The following IQSEC1 variants were observed in gnomAD, a reference collection of about 807,000 sequenced individuals.
The protein encoded by IQSEC1 is IQ motif and Sec7 domain ArfGEF 1.
IQSEC1 carries 31 observed loss-of-function variants against 91.0 expected under a neutral mutation model. The ratio of observed to expected loss-of-function variants is 0.34; its 90% CI spans 0.26 to 0.46. The LOEUF is 0.46. Among genes scored for constraint, IQSEC1 ranks in the 20% least tolerant of loss-of-function variants. The pLI is 1.00. For synonymous variants in IQSEC1, 699 were observed against 662.6 expected (o/e 1.05, Z -0.84); for missense variants, 1,388 against 1,575.6 (o/e 0.88, Z 2.02).
At chr3:13,277,012 G>A (rs1195523914) in intron 1 of IQSEC1, among the ~76,000 whole-genome samples, 3 of 140,080 alleles carry the variant, frequency 2.1e-5, no homozygotes, top group Admixed American at 7.8e-5. Flanking sequence ...GGCCTGTGTT[G>A]TTTTTTCTGC....
chr3:13,029,639 G>C (rs979439998), intron 1 of IQSEC1, among the ~76,000 whole-genome samples: 1 of 152,208 alleles, frequency 6.6e-6, no homozygotes, highest in Non-Finnish European at 1.5e-5. Flanking sequence ...TTGCCGTCCA[G>C]GTCAAGGGGG....
chr3:13,082,727 G>T (rs922866170), intron 2 of IQSEC1, among the ~76,000 whole-genome samples: 4 of 152,206 alleles, frequency 2.6e-5, no homozygotes, highest in Admixed American at 2.6e-4. Flanking sequence ...TCGTAGCTCT[G>T]GTTCCAACCC....
chr3:12,985,277 C>T (rs879612164), intron 1 of IQSEC1, among the ~76,000 whole-genome samples: 2 of 152,204 alleles, frequency 1.3e-5, no homozygotes, highest in Admixed American at 6.5e-5. Context: ...GCCATACACG[C>T]TGGGCTCCCA....
intron 1 of IQSEC1, among the ~76,000 whole-genome samples, chr3:12,954,065 G>T (rs1278552851): frequency 6.6e-6 from 1 of 152,226 alleles, no homozygotes; most frequent in Non-Finnish European, 1.5e-5. Flanking sequence ...TGAACCCAGG[G>T]CCACACAGCC....
intron 1 of IQSEC1, among the ~76,000 whole-genome samples, chr3:13,256,438 G>C (rs1029329069): frequency 1.3e-5 from 2 of 152,074 alleles, no homozygotes; most frequent in African/African-American, 4.8e-5. Flanking sequence ...TCACAAAGTT[G>C]CCTGTTCAGC....
At chr3:13,140,026 G>A (rs979505340) in intron 2 of IQSEC1, among the ~76,000 whole-genome samples, 1 of 152,268 alleles carries the variant, frequency 6.6e-6, no homozygotes, top group Non-Finnish European at 1.5e-5. Context: ...CTGCTCCTGA[G>A]CTCCAACTCT....
intron 1 of IQSEC1, among the ~76,000 whole-genome samples, chr3:13,231,333 G>A (rs1694835921): frequency 2.0e-5 from 3 of 152,186 alleles, no homozygotes; most frequent in African/African-American, 7.2e-5. Flanking sequence ...CTTAGTTTGA[G>A]CTACTATAAC....
intron 2 of IQSEC1, among the ~76,000 whole-genome samples, chr3:13,154,438 C>CATACAT (rs1707049640): frequency 4.8e-5 from 1 of 20,756 alleles, no homozygotes; most frequent in Non-Finnish European, 8.1e-5. Context: ...AACTTACATG[C>CATACAT]ATATATATAT....
At chr3:13,085,195 T>C (rs1470324066) in intron 2 of IQSEC1, among the ~76,000 whole-genome samples, 8 of 152,120 alleles carry the variant, frequency 5.3e-5, no homozygotes, top group Admixed American at 5.2e-4. Flanking sequence ...AGGAAACTGA[T>C]GCTCAGAGAC....
intron 1 of IQSEC1, among the ~76,000 whole-genome samples, chr3:12,985,218 C>T (rs1041107007): frequency 6.6e-6 from 1 of 152,216 alleles, no homozygotes; most frequent in Non-Finnish European, 1.5e-5. Flanking sequence ...TGAGGTATGG[C>T]TTGCTTGGGT....
At chr3:12,934,281 T>C (rs1349790787) in intron 3 of IQSEC1, among the ~76,000 whole-genome samples, 2 of 152,220 alleles carry the variant, frequency 1.3e-5, no homozygotes, top group African/African-American at 2.4e-5. Context: ...CAGTAAGCCA[T>C]TGCCCCTTAC....
intron 1 of IQSEC1, among the ~76,000 whole-genome samples, chr3:13,037,441 T>C (rs1704078010): frequency 6.6e-6 from 1 of 152,288 alleles, no homozygotes; most frequent in Middle Eastern, 3.4e-3. Flanking sequence ...GGCTATACCA[T>C]GAAATACTAT....
chr3:13,136,306 C>T (rs1706709316), intron 2 of IQSEC1, among the ~76,000 whole-genome samples: 1 of 152,212 alleles, frequency 6.6e-6, no homozygotes, highest in Admixed American at 6.5e-5. Flanking sequence ...ACACTGAGGA[C>T]CCACAAGTGA....
At chr3:13,024,400 TC>T (rs1255362152) in intron 1 of IQSEC1, among the ~76,000 whole-genome samples, 4 of 148,302 alleles carry the variant, frequency 2.7e-5, no homozygotes, top group Non-Finnish European at 4.5e-5. Flanking sequence ...CATCCATCCA[TC>T]CATCCATCCA....
intron 1 of IQSEC1, chr3:12,986,828 G>T (rs924322704): frequency 4.0e-6 from 1 of 250,144 alleles, no homozygotes; most frequent in Non-Finnish European, 8.4e-6. Flanking sequence ...ACCGAGACCC[G>T]GCAGGGGCTT....
intron 12 of IQSEC1, among the ~76,000 whole-genome samples, chr3:12,905,956 C>T (rs1019659245): frequency 1.3e-5 from 2 of 152,206 alleles, no homozygotes; most frequent in East Asian, 3.8e-4. Context: ...GGTGGGGAGT[C>T]TTAGCCCAAG....
chr3:13,152,778 G>A (rs1707021414), intron 2 of IQSEC1, among the ~76,000 whole-genome samples: 1 of 152,182 alleles, frequency 6.6e-6, no homozygotes. Flanking sequence ...GCTGAGGCAG[G>A]AGAATCGCTT....
At chr3:13,028,287 G>A (rs79333252) in intron 1 of IQSEC1, among the ~76,000 whole-genome samples, 3,102 of 152,358 alleles carry the variant, frequency 0.02, 36 homozygotes, top group Non-Finnish European at 0.027. Context: ...CTGAGTCCCA[G>A]ATAAGGGACA....
At chr3:13,129,622 T>C (rs1314015371) in intron 2 of IQSEC1, among the ~76,000 whole-genome samples, 2 of 151,924 alleles carry the variant, frequency 1.3e-5, no homozygotes, top group African/African-American at 4.8e-5. Context: ...TGCTCTGTTT[T>C]CTCCTATGTA....
Sources: gnomAD v4.1 joint callset for allele counts (sites outside exome capture counted in the v4.1 genomes callset) on GRCh38, gnomAD v4.1.1 for gene constraint, MANE v1.5 for transcripts, NCBI Gene and HGNC (gene_info 2026-07-23, HGNC 2026-07-21) for gene names.